GRIK3: variants seen among roughly 807,000 people sequenced by gnomAD.
GRIK3 encodes the protein glutamate ionotropic receptor kainate type subunit 3, also known as glutamate receptor ionotropic, kainate 3.
A neutral mutation model predicts 102.5 loss-of-function variants in GRIK3; 29 were observed. The observed-to-expected ratio is 0.28, with a 90% CI of 0.21 to 0.39. GRIK3 has a LOEUF of 0.39. Ranked by LOEUF, GRIK3 falls within the 10% of genes least tolerant of loss-of-function variation. GRIK3 has a pLI of 1.00. For synonymous variants in GRIK3, 511 were observed against 504.9 expected, an observed-to-expected ratio of 1.01 and a Z score of -0.16; for missense variants, 908 against 1,252.4, an observed-to-expected ratio of 0.73 and a Z score of 4.15.
At chr1:37,014,837 T>TTTTCTTTTCC (rs1642636177) in intron 1 of GRIK3, among the ~76,000 whole-genome samples, 1 of 122,554 alleles carries the variant, frequency 8.2e-6, no homozygotes. Context: ...ATTTAGCCTC[T>TTTTCTTTTCC]TTTCTTATCT....
At position 36,872,278 on chromosome 1, in the gene GRIK3, C is replaced by G; in HGVS notation, c.642G>C (p.Ser214=). The change falls in exon 4 of 16, where the codon TCG becomes TCC. Residue 214 remains serine, a synonymous_variant. Coordinates refer to ENST00000373091, the MANE Select transcript of GRIK3 (RefSeq NM_000831.4). This position sits in a 1 kb window ranked among gnomAD's most constrained non-coding sequence, Gnocchi z 5.9. ...IRQLPIDSDD[S]RPLLKEMKRG... Reference sequence around the variant, plus strand: ...GCTTCATCTCCTTGAGCAAGGGGCGCGAGTCGTCAGAGTCGATGGGGAGCT... The same window carrying G: ...GCTTCATCTCCTTGAGCAAGGGGCGGGAGTCGTCAGAGTCGATGGGGAGCT... The G allele has an allele frequency of 6.2e-7, 1 of 1,613,144 alleles. No individual in the cohort carries two copies. The highest frequency in any genetic ancestry group is 8.5e-7 in the Non-Finnish European group (1 of 1,179,564).
chr1:36,970,468 A>G (rs1246751750), intron 1 of GRIK3, among the ~76,000 whole-genome samples: 1 of 152,146 alleles, frequency 6.6e-6, no homozygotes, highest in Non-Finnish European at 1.5e-5. Context: ...CATTCACCTC[A>G]CATCCTTTAC....
intron 1 of GRIK3, among the ~76,000 whole-genome samples, chr1:37,030,977 C>A (rs1642821522): frequency 6.6e-6 from 1 of 152,162 alleles, no homozygotes. Flanking sequence ...GCTCCAAGTC[C>A]AGCAGCCCCT....
Position 36,805,142 on chromosome 1 carries a change from C to T in GRIK3, c.2410G>A (p.Gly804Arg), listed in dbSNP as rs757714355. 15 of 1,614,112 alleles carry T rather than the reference C, an allele frequency of 9.3e-6. No homozygotes were observed. Among genetic ancestry groups the T allele is most frequent in the Non-Finnish European group, 1.2e-5 (14 of 1,180,044 alleles). ...IMKEKWWRGSGCPEEENKEAS... is the reference protein window; with the variant it reads ...IMKEKWWRGSRCPEEENKEAS... ...TCTTTGTTTTCCTCCTCAGGACACCCGCTGCCCCGCCACCACTTCTCCTTC... is the reference window on the plus strand; with the variant it reads ...TCTTTGTTTTCCTCCTCAGGACACCTGCTGCCCCGCCACCACTTCTCCTTC... The change falls in exon 15 of 16, where the codon GGG (glycine) becomes AGG (arginine). Residue 804 changes from glycine to arginine, a missense_variant. Physicochemically the swap from Gly to Arg is moderately radical, Grantham distance 125 (BLOSUM62 -2). Around this residue, in one of 3 missense-constraint regions of GRIK3, gnomAD observed 297 missense variants for 362.7 expected, o/e 0.82. Coordinates refer to ENST00000373091, the MANE Select transcript of GRIK3 (RefSeq NM_000831.4).
intron 10 of GRIK3, among the ~76,000 whole-genome samples, chr1:36,829,962 T>A (rs1642797612): frequency 6.6e-6 from 1 of 152,064 alleles, no homozygotes; most frequent in African/African-American, 2.4e-5. Context: ...AGGACAGGGG[T>A]CCTCCCAAGG....
chr1:36,916,547 G>A (rs547533291), intron 1 of GRIK3, among the ~76,000 whole-genome samples: 1 of 152,262 alleles, frequency 6.6e-6, no homozygotes, highest in Admixed American at 6.5e-5. Flanking sequence ...CCGGGCTCAG[G>A]GTTCCAGTGC....
rs770683285 is a variant in GRIK3 at position 36,841,736 on chromosome 1, G to C, written c.1530C>G (p.His510Gln). Residue 510 changes from histidine (H) to glutamine (Q), a missense_variant and splice_region_variant, in exon 10 of 16, where the codon CAC (histidine) becomes CAG (glutamine). By Grantham distance (24) the His-to-Gln change is conservative. Coordinates refer to ENST00000373091, the MANE Select transcript of GRIK3 (RefSeq NM_000831.4). ...CTCCCATGCTCCCATCCATGCTTACGTGGTCGATGAGCTCCTTGACCATGC... is the reference window on the plus strand; with the variant it reads ...CTCCCATGCTCCCATCCATGCTTACCTGGTCGATGAGCTCCTTGACCATGC... ...WNGMVKELID[H>Q]KADLAVAPLT... The C allele has an allele frequency of 1.9e-6, 3 of 1,612,092 alleles. No individual in the cohort carries two copies. Among genetic ancestry groups the C allele is most frequent in the Non-Finnish European group, 1.7e-6 (2 of 1,178,316 alleles).
chr1:36,983,690 G>T (rs1374658603), intron 1 of GRIK3, among the ~76,000 whole-genome samples: 2 of 152,062 alleles, frequency 1.3e-5, no homozygotes, highest in African/African-American at 2.4e-5. Flanking sequence ...CTCATGGGGG[G>T]AAACCTTCAA....
At chr1:36,914,407 C>T (rs1641377663) in intron 1 of GRIK3, among the ~76,000 whole-genome samples, 1 of 152,206 alleles carries the variant, frequency 6.6e-6, no homozygotes, top group South Asian at 2.1e-4. Flanking sequence ...TGCAGGACTT[C>T]TCTGGGCATT....
chr1:36,906,947 A>T (rs757435867), intron 1 of GRIK3, among the ~76,000 whole-genome samples: 65 of 152,240 alleles, frequency 4.3e-4, no homozygotes, highest in Non-Finnish European at 8.5e-4. Flanking sequence ...ACTATGTAAG[A>T]TGATGAATAT....
At position 36,801,618 on chromosome 1, in the gene GRIK3, A is replaced by G. The variant is rs1642440483; in HGVS notation, c.*233T>C. 2.4e-6 allele frequency: 1 copy of G among 414,604 alleles called. No individual in the cohort carries two copies. Among genetic ancestry groups the G allele is most frequent in the South Asian group, 7.0e-5 (1 of 14,362 alleles). 25.7% of individuals were successfully genotyped at this position (414,604 alleles called of 1,614,324 possible). A position where few individuals can be genotyped will look rare whatever the true frequency, so the allele number is the denominator to read the frequency against. Reference sequence around the variant, plus strand: ...GCATGTGCTTCCTTTGGCCTTGGCTATCTCGGCTGGCAGCTTTAGAAACCC... The same window carrying G: ...GCATGTGCTTCCTTTGGCCTTGGCTGTCTCGGCTGGCAGCTTTAGAAACCC... On this transcript the variant is annotated 3_prime_UTR_variant, in exon 16 of 16. Coordinates refer to ENST00000373091, the MANE Select transcript of GRIK3 (RefSeq NM_000831.4).
At chr1:36,921,546 C>T (rs754208641) in intron 1 of GRIK3, among the ~76,000 whole-genome samples, 3 of 152,102 alleles carry the variant, frequency 2.0e-5, no homozygotes, top group Non-Finnish European at 2.9e-5. Context: ...TAGCGGGGTA[C>T]GTAAAGAGCT....
intron 9 of GRIK3, among the ~76,000 whole-genome samples, chr1:36,844,587 A>T (rs1333910098): frequency 6.6e-6 from 1 of 152,218 alleles, no homozygotes; most frequent in Admixed American, 6.5e-5. Flanking sequence ...TTCCCAGAGG[A>T]TCCACCAACC....
chr1:36,990,328 C>T (rs1012941652), intron 1 of GRIK3, among the ~76,000 whole-genome samples: 1 of 152,210 alleles, frequency 6.6e-6, no homozygotes, highest in Non-Finnish European at 1.5e-5. Flanking sequence ...CCTGCATAGA[C>T]ATGTCTACCA....
chr1:36,997,204 C>T (rs11263958), intron 1 of GRIK3, among the ~76,000 whole-genome samples: 7 of 152,116 alleles, frequency 4.6e-5, no homozygotes, highest in African/African-American at 9.7e-5. Context: ...CAAATGTCAG[C>T]GGCAGGCCCT....
At chr1:36,834,853 C>A (rs1480209023) in intron 10 of GRIK3, among the ~76,000 whole-genome samples, 1 of 152,174 alleles carries the variant, frequency 6.6e-6, no homozygotes, top group Non-Finnish European at 1.5e-5. Context: ...CCAGCCAGGC[C>A]CTGACCAGGT....
At chr1:36,936,153 G>T (rs144519846) in intron 1 of GRIK3, among the ~76,000 whole-genome samples, 289 of 152,280 alleles carry the variant, frequency 1.9e-3, no homozygotes, top group African/African-American at 6.5e-3. Context: ...AGAGTAAAGT[G>T]AGCCTTGATG....
chr1:37,026,387 T>C (rs1642764652), intron 1 of GRIK3, among the ~76,000 whole-genome samples: 1 of 152,148 alleles, frequency 6.6e-6, no homozygotes, highest in Non-Finnish European at 1.5e-5. Context: ...GATGGGCATA[T>C]GCCACATACA....
At chr1:36,885,586 G>A (rs1417148377) in intron 2 of GRIK3, among the ~76,000 whole-genome samples, 1 of 152,182 alleles carries the variant, frequency 6.6e-6, no homozygotes, top group Admixed American at 6.5e-5. Context: ...GGAAGCATCA[G>A]TCCTGGCCTT....
Sources: allele counts gnomAD v4.1 joint callset (sites outside exome capture counted in the v4.1 genomes callset), GRCh38; gene constraint gnomAD v4.1.1; regional missense constraint gnomAD v4.1.1; non-coding constraint Gnocchi (gnomAD v3.1); transcripts MANE v1.5; gene names NCBI Gene and HGNC (gene_info 2026-07-23, HGNC 2026-07-21).